The following EPHA4 variants were observed in gnomAD, a reference collection of about 807,000 sequenced individuals.
EPHA4 encodes ephrin type-A receptor 4.
Under a neutral mutation model 108.3 loss-of-function variants are expected in EPHA4, and 19 were observed. The observed-to-expected ratio is 0.18, with a 90% confidence interval of 0.12 to 0.26. EPHA4 has a LOEUF of 0.26. Among genes scored for constraint, EPHA4 ranks in the 10% least tolerant of loss-of-function variants. The pLI, the probability that EPHA4 is intolerant of heterozygous loss-of-function variation, is 1.00. For missense variants in EPHA4, 917 were observed against 1,254.0 expected, an observed-to-expected ratio of 0.73 and a Z score of 4.06; for synonymous variants, 449 against 455.5, an observed-to-expected ratio of 0.99 and a Z score of 0.18.
Position 221,499,747 on chromosome 2 carries a change from TATA to T in EPHA4, c.979+1267_979+1269del, listed in dbSNP as rs1441562556. ...ATATATATATATATATATATATATA[TATA>T]TATATATTTTTTTTTTTTTTTTTTG... On this transcript the variant is annotated intron_variant, in intron 4 of 17. Coordinates refer to ENST00000281821, the MANE Select transcript of EPHA4 (RefSeq NM_004438.5). 3.0e-3 allele frequency among the ~76,000 whole-genome samples: 170 copies of T among 56,846 alleles called. 2 individuals carry two copies. The highest frequency in any genetic ancestry group is 0.016 in the Middle Eastern group (2 of 128). 37.3% of individuals were successfully genotyped at this position (56,846 alleles called of 152,430 possible).
chr2:221,531,412 T>C (rs942454538), intron 3 of EPHA4, among the ~76,000 whole-genome samples: 1 of 152,128 alleles, frequency 6.6e-6, no homozygotes, highest in Non-Finnish European at 1.5e-5. Context: ...AAATCCTCTT[T>C]CAAAGAATTT....
chr2:221,542,456 T>C (rs1693864662), intron 3 of EPHA4, among the ~76,000 whole-genome samples: 1 of 152,102 alleles, frequency 6.6e-6, no homozygotes, highest in South Asian at 2.1e-4. Flanking sequence ...GAAAGGGAAT[T>C]AGGCAACTCT....
At chr2:221,496,662 C>A (rs982460873) in intron 4 of EPHA4, among the ~76,000 whole-genome samples, 1 of 152,136 alleles carries the variant, frequency 6.6e-6, no homozygotes, top group African/African-American at 2.4e-5. Context: ...AATCCCAGCA[C>A]TTTGGGAGGC....
chr2:221,543,315 TTTA>T (rs1693893126), intron 3 of EPHA4, among the ~76,000 whole-genome samples: 1 of 152,196 alleles, frequency 6.6e-6, no homozygotes, highest in African/African-American at 2.4e-5. Flanking sequence ...TGAAGTTATA[TTTA>T]TTGATCTGAA....
At chr2:221,528,231 C>G (rs1418155970) in intron 3 of EPHA4, among the ~76,000 whole-genome samples, 2 of 152,122 alleles carry the variant, frequency 1.3e-5, no homozygotes, top group Non-Finnish European at 2.9e-5. Flanking sequence ...GGAGAATGTA[C>G]TCATTGAGTA....
chr2:221,540,930 GTC>G, intron 3 of EPHA4, among the ~76,000 whole-genome samples: 2 of 142,874 alleles, frequency 1.4e-5, no homozygotes, highest in South Asian at 2.2e-4. Context: ...GTGGAAAACT[GTC>G]TTTTTTTTTT....
At chr2:221,547,996 T>G (rs1432826026) in intron 3 of EPHA4, among the ~76,000 whole-genome samples, 2 of 152,186 alleles carry the variant, frequency 1.3e-5, no homozygotes, top group Non-Finnish European at 2.9e-5. Context: ...CTTCAATTTG[T>G]GTTTATTGAG....
intron 3 of EPHA4, among the ~76,000 whole-genome samples, chr2:221,538,762 A>G (rs1026765879): frequency 1.3e-5 from 2 of 152,216 alleles, no homozygotes; most frequent in Non-Finnish European, 2.9e-5. Flanking sequence ...CTGAAAATAC[A>G]TGATGTATTC....
chr2:221,550,694 T>C (rs1694133707), intron 3 of EPHA4, among the ~76,000 whole-genome samples: 2 of 152,196 alleles, frequency 1.3e-5, no homozygotes, highest in Non-Finnish European at 2.9e-5. Flanking sequence ...AGAGCTGAGA[T>C]TAAAATTCAG....
intron 11 of EPHA4, chr2:221,437,333 C>T: frequency 2.3e-6 from 1 of 438,904 alleles, no homozygotes; most frequent in African/African-American, 2.0e-5. Flanking sequence ...ATAGTTAAAC[C>T]TTTGGGTGGC....
At chr2:221,555,858 T>C (rs1694289476) in intron 3 of EPHA4, among the ~76,000 whole-genome samples, 1 of 152,234 alleles carries the variant, frequency 6.6e-6, no homozygotes, top group Non-Finnish European at 1.5e-5. Context: ...TATAGAAATG[T>C]CTAAAGGGTT....
intron 5 of EPHA4, among the ~76,000 whole-genome samples, chr2:221,476,694 G>A (rs966576542): frequency 6.6e-6 from 1 of 152,082 alleles, no homozygotes; most frequent in African/African-American, 2.4e-5. Flanking sequence ...TTTTCTTGAA[G>A]CTTTCCTCTT....
At chr2:221,426,263 G>T in intron 16 of EPHA4, 121 bp from the exon 17 acceptor site, 2 of 1,042,320 alleles carry the variant, frequency 1.9e-6, no homozygotes, top group Non-Finnish European at 2.9e-6. Context: ...AACAAGGCAG[G>T]TGTATTAAAA....
At chr2:221,512,322 C>A (rs1188369786) in intron 3 of EPHA4, among the ~76,000 whole-genome samples, 1 of 152,138 alleles carries the variant, frequency 6.6e-6, no homozygotes, top group East Asian at 1.9e-4. Context: ...TGTAAGAAAA[C>A]CCCTGCCATT....
In EPHA4 at chr2:221,419,421, T is replaced by C. The variant is rs112300657; in HGVS notation, c.*1951A>G. The C allele has an allele frequency of 6.6e-6, 1 of 152,620 alleles. No individual in the cohort carries two copies. Among genetic ancestry groups the C allele is most frequent in the Non-Finnish European group, 1.5e-5 (1 of 68,034 alleles). 9.5% of individuals were successfully genotyped at this position (152,620 alleles called of 1,614,324 possible). A position where few individuals can be genotyped will look rare whatever the true frequency, so the allele number is the denominator to read the frequency against. Reference sequence around the variant, plus strand: ...CAAAGTATTAATCCAGGACACACCATCTCAAAGCTGACACACATATCTACG... The same window carrying C: ...CAAAGTATTAATCCAGGACACACCACCTCAAAGCTGACACACATATCTACG... On this transcript the variant is annotated 3_prime_UTR_variant, in exon 18 of 18. Coordinates refer to ENST00000281821, the MANE Select transcript of EPHA4 (RefSeq NM_004438.5).
chr2:221,564,287 G>A lies in EPHA4; in HGVS notation c.267C>T (p.Ile89=), dbSNP rs765959548. ...SQNNWLRTDW[I]TREGAQRVYI... ...ACACCCTCTGAGCCCCTTCTCGGGT[G>A]ATCCAATCAGTTCGTAGCCAGTTAT... is the stretch of plus-strand genomic sequence containing the variant. Residue 89 remains isoleucine (I), a synonymous_variant, in exon 3 of 18, where the codon ATC becomes ATT. Transcript: ENST00000281821. 5.6e-5 allele frequency: 90 copies of A among 1,613,982 alleles called. No homozygotes were observed. Among genetic ancestry groups the A allele is most frequent in the Non-Finnish European group, 7.6e-5 (90 of 1,180,028 alleles).
chr2:221,421,204 G>A lies in EPHA4; in HGVS notation c.*820-652C>T, dbSNP rs528402553. ...CCCGGCTACTCGGGAGGCTGAGGCA[G>A]GAGGAGAATGGCGTGAACCTGGGAG... On this transcript the variant is annotated intron_variant, in intron 17 of 17. Transcript: ENST00000281821. Among the ~76,000 whole-genome samples the A allele has an allele frequency of 2.1e-3, 321 of 151,990 alleles. 2 individuals are homozygous for A. The highest frequency in any genetic ancestry group is 3.7e-3 in the Non-Finnish European group (251 of 67,898).
chr2:221,527,278 T>A (rs1009992700), intron 3 of EPHA4, among the ~76,000 whole-genome samples: 1 of 152,344 alleles, frequency 6.6e-6, no homozygotes. Context: ...TGAGGCCTCT[T>A]CAGAATGACA....
intron 3 of EPHA4, among the ~76,000 whole-genome samples, chr2:221,511,384 A>G (rs1692823738): frequency 6.6e-6 from 1 of 152,158 alleles, no homozygotes; most frequent in African/African-American, 2.4e-5. Context: ...CCATGCTTCA[A>G]CCTCTCATAC....
Sources: gnomAD v4.1 joint callset for allele counts (sites outside exome capture counted in the v4.1 genomes callset) on GRCh38, gnomAD v4.1.1 for gene constraint, MANE v1.5 for transcripts, NCBI Gene and HGNC (gene_info 2026-07-23, HGNC 2026-07-21) for gene names.